Variants in ZNF804A observed in about 807,000 individuals in gnomAD.
The protein encoded by ZNF804A is zinc finger protein 804A.
ZNF804A carries 2 observed loss-of-function variants against 16.5 expected under a neutral mutation model. The observed-to-expected ratio is 0.12, with a 90% confidence interval of 0.05 to 0.38. ZNF804A has a LOEUF of 0.38. Among genes scored for constraint, ZNF804A ranks in the 10% least tolerant of loss-of-function variants. The pLI is 0.99. For missense variants in ZNF804A, 1,473 were observed against 1,390.7 expected (o/e 1.06, Z -0.94); for synonymous variants, 534 against 489.6 (o/e 1.09, Z -1.20).
intron 1 of ZNF804A, among the ~76,000 whole-genome samples, chr2:184,603,555 G>C (rs958096566): frequency 1.1e-4 from 17 of 152,010 alleles, no homozygotes; most frequent in African/African-American, 3.4e-4. Context: ...AATTTAAAAG[G>C]CTTCTCTTCT....
At chr2:184,845,363 C>G (rs993386069) in intron 1 of ZNF804A, among the ~76,000 whole-genome samples, 12 of 152,140 alleles carry the variant, frequency 7.9e-5, no homozygotes, top group Non-Finnish European at 1.0e-4. Context: ...CTTAATGTCT[C>G]TATCTCTCAG....
At chr2:184,635,312 T>A (rs1430886478) in intron 1 of ZNF804A, among the ~76,000 whole-genome samples, 1 of 152,166 alleles carries the variant, frequency 6.6e-6, no homozygotes, top group Admixed American at 6.6e-5. Context: ...TCAAACCAGA[T>A]GCTCCACTTC....
chr2:184,766,343 C>T (rs1311906981), intron 1 of ZNF804A, among the ~76,000 whole-genome samples: 1 of 152,028 alleles, frequency 6.6e-6, no homozygotes, highest in Non-Finnish European at 1.5e-5. Context: ...AGCATCATCA[C>T]ATCACATAAA....
intron 1 of ZNF804A, among the ~76,000 whole-genome samples, chr2:184,773,614 G>C (rs1250825738): frequency 6.6e-6 from 1 of 151,814 alleles, no homozygotes; most frequent in Non-Finnish European, 1.5e-5. Flanking sequence ...AGGATGCAAA[G>C]GCATAAGAAT....
At chr2:184,717,202 G>GTC (rs1162169629) in intron 1 of ZNF804A, among the ~76,000 whole-genome samples, 4 of 152,154 alleles carry the variant, frequency 2.6e-5, no homozygotes, top group South Asian at 4.1e-4. Context: ...GTTTTTGTAC[G>GTC]TCTCTCTCTC....
At position 184,733,260 on chromosome 2, in the gene ZNF804A, C is replaced by G. The variant is rs555987955; in HGVS notation, c.112-133109C>G. Among the ~76,000 whole-genome samples, 2 of 152,074 alleles carry G rather than the reference C, an allele frequency of 1.3e-5. 1 individual carries two copies. The highest frequency in any genetic ancestry group is 4.2e-4 in the South Asian group (2 of 4,800). ...TATGGGTGTTGAATTTTCTCAAAAC[C>G]CACTTCTGAATTTATTTCTATGCTC... On this transcript the variant is annotated intron_variant, in intron 1 of 3. Coordinates refer to ENST00000302277, the MANE Select transcript of ZNF804A (RefSeq NM_194250.2).
At chr2:184,642,843 T>C (rs1376781054) in intron 1 of ZNF804A, among the ~76,000 whole-genome samples, 1 of 152,180 alleles carries the variant, frequency 6.6e-6, no homozygotes, top group East Asian at 1.9e-4. Flanking sequence ...AGCTAGATTC[T>C]TTGCATGTTG....
At chr2:184,844,254 T>A (rs969677303) in intron 1 of ZNF804A, among the ~76,000 whole-genome samples, 1 of 152,038 alleles carries the variant, frequency 6.6e-6, no homozygotes, top group African/African-American at 2.4e-5. Context: ...ATTTTCAGTA[T>A]TATTGCTTAA....
At chr2:184,650,363 G>A (rs1269027648) in intron 1 of ZNF804A, among the ~76,000 whole-genome samples, 1 of 151,954 alleles carries the variant, frequency 6.6e-6, no homozygotes, top group African/African-American at 2.4e-5. Context: ...ACTCTGAAAG[G>A]GCAAAAACTG....
In ZNF804A at chr2:184,938,830, A is replaced by G. The variant is rs1203505655; in HGVS notation, c.3434A>G (p.Gln1145Arg). 6.2e-7 allele frequency: 1 copy of G among 1,613,740 alleles called. No homozygotes were observed. The highest frequency in any genetic ancestry group is 8.5e-7 in the Non-Finnish European group (1 of 1,179,946). The change falls in exon 4 of 4, where the codon CAG becomes CGG. Residue 1145 changes from glutamine to arginine, a missense_variant. By Grantham distance (43) the Gln-to-Arg change is conservative. Transcript: ENST00000302277. ...GCTCTCACCAGAACCTCATTACCTC[A>G]GCTCTCAGTAGGACCAGTAGGACCG... ...IPALTRTSLP[Q>R]LSVGPVGPRL...
At chr2:184,878,989 C>T (rs540760233) in intron 2 of ZNF804A, among the ~76,000 whole-genome samples, 2 of 152,056 alleles carry the variant, frequency 1.3e-5, no homozygotes, top group South Asian at 4.1e-4. Context: ...AGATGAACTA[C>T]ACTTAGAAGT....
intron 1 of ZNF804A, among the ~76,000 whole-genome samples, chr2:184,632,670 G>T (rs1184344980): frequency 6.6e-6 from 1 of 152,314 alleles, no homozygotes; most frequent in African/African-American, 2.4e-5. Context: ...AAGCCACCTT[G>T]CCCAGTCCTA....
At chr2:184,686,359 C>T (rs1434550650) in intron 1 of ZNF804A, among the ~76,000 whole-genome samples, 1 of 152,182 alleles carries the variant, frequency 6.6e-6, no homozygotes, top group Non-Finnish European at 1.5e-5. Flanking sequence ...TCTCAGTGGC[C>T]GCTCCAGACA....
chr2:184,733,299 T>A (rs2105748660), intron 1 of ZNF804A, among the ~76,000 whole-genome samples: 1 of 152,310 alleles, frequency 6.6e-6, no homozygotes, highest in South Asian at 2.1e-4. Context: ...TGATTTTTTC[T>A]TCTGTAACCT....
rs368538163 is a variant in ZNF804A, at chr2:184,930,406, A to C, written c.256-3197A>C. 3.9e-5 allele frequency among the ~76,000 whole-genome samples: 6 copies of C among 152,346 alleles called. No individual in the cohort carries two copies. The East Asian group carries it at 7.7e-4, about 20-fold the overall frequency. ...ATGACATGATTTATCTTTCATCTAAATTCTACTCTGGAAAGTCTTATCCTA... is the reference window on the plus strand; with the variant it reads ...ATGACATGATTTATCTTTCATCTAACTTCTACTCTGGAAAGTCTTATCCTA... On this transcript the variant is annotated intron_variant, in intron 2 of 3. Transcript: ENST00000302277.
chr2:184,845,408 T>C (rs1274498052), intron 1 of ZNF804A, among the ~76,000 whole-genome samples: 2 of 152,126 alleles, frequency 1.3e-5, no homozygotes, highest in East Asian at 1.9e-4. Context: ...TTCTGTGATA[T>C]AGAATTTTTT....
At chr2:184,664,540 T>C (rs1188567786) in intron 1 of ZNF804A, among the ~76,000 whole-genome samples, 1 of 152,220 alleles carries the variant, frequency 6.6e-6, no homozygotes, top group African/African-American at 2.4e-5. Flanking sequence ...ACTCAAATTT[T>C]TCATCTTTTA....
chr2:184,761,042 C>T (rs1413900230), intron 1 of ZNF804A, among the ~76,000 whole-genome samples: 4 of 152,082 alleles, frequency 2.6e-5, no homozygotes, highest in Non-Finnish European at 5.9e-5. Flanking sequence ...ATCAGATAAG[C>T]TGTTAGGCTT....
At chr2:184,673,052 G>A (rs1407535252) in intron 1 of ZNF804A, among the ~76,000 whole-genome samples, 1 of 144,038 alleles carries the variant, frequency 6.9e-6, no homozygotes, top group Non-Finnish European at 1.5e-5. Context: ...GGAAAAGCAA[G>A]AAAATTACAG....
Sources: allele counts gnomAD v4.1 joint callset (sites outside exome capture counted in the v4.1 genomes callset), GRCh38; gene constraint gnomAD v4.1.1; transcripts MANE v1.5; gene names NCBI Gene and HGNC (gene_info 2026-07-23, HGNC 2026-07-21).